CERK: variants seen among roughly 807,000 people sequenced by gnomAD.
CERK encodes acylsphingosine kinase.
A neutral mutation model predicts 63.4 loss-of-function variants in CERK; 39 were observed. That is an observed-to-expected ratio of 0.61 (90% CI 0.48 to 0.80). CERK has a LOEUF of 0.80. Ranked by LOEUF, CERK falls within the 30% of genes least tolerant of loss-of-function variation. CERK has a pLI of 0.00. For missense variants in CERK, 670 were observed against 714.1 expected (o/e 0.94, Z 0.70); for synonymous variants, 302 against 280.0 (o/e 1.08, Z -0.78).
chr22:46,727,143 G>A (rs1002596270), intron 1 of CERK, among the ~76,000 whole-genome samples: 4 of 152,186 alleles, frequency 2.6e-5, no homozygotes, highest in Non-Finnish European at 5.9e-5. Context: ...CACGGATGAT[G>A]AAGAAAATCT....
At chr22:46,713,109 A>G (rs2082849785) in intron 3 of CERK, among the ~76,000 whole-genome samples, 1 of 152,108 alleles carries the variant, frequency 6.6e-6, no homozygotes, top group African/African-American at 2.4e-5. Context: ...TGGTGGGTTC[A>G]TGTGACTCTG....
At position 46,685,547 on chromosome 22, in the gene CERK, C is replaced by T. The variant is rs974183058; in HGVS notation, c.*1587G>A. 3 of 152,208 alleles carry T rather than the reference C, an allele frequency of 2.0e-5. No individual in the cohort carries two copies. The highest frequency in any genetic ancestry group is 2.9e-5 in the Non-Finnish European group (2 of 68,040). 9.4% of individuals were successfully genotyped at this position (152,208 alleles called of 1,614,324 possible). A position where few individuals can be genotyped will look rare whatever the true frequency, so the allele number is the denominator to read the frequency against. ...GCACAGCCAGTCTGGAAGAGCAGCC[C>T]GTCTTAAATCTTTGGTTTCTTTCCA... On this transcript the variant is annotated 3_prime_UTR_variant, in exon 13 of 13. Coordinates refer to ENST00000216264, the MANE Select transcript of CERK (RefSeq NM_022766.6).
chr22:46,716,191 CTT>C lies in CERK; in HGVS notation c.379+3893_379+3894del, dbSNP rs79638073. On this transcript the variant is annotated intron_variant, in intron 3 of 12. Coordinates refer to ENST00000216264, the MANE Select transcript of CERK (RefSeq NM_022766.6). ...GGTGGCAGAACAAGACCTCATCTCC[CTT>C]TTTTTTTTTTTTTTAAAGATGGAGT... Among the ~76,000 whole-genome samples the C allele has an allele frequency of 4.5e-3, 632 of 141,184 alleles. 2 individuals are homozygous for C. Among genetic ancestry groups the C allele is most frequent in the African/African-American group, 0.015 (558 of 38,064 alleles). 92.6% of individuals were successfully genotyped at this position (141,184 alleles called of 152,430 possible). A position where few individuals can be genotyped will look rare whatever the true frequency, so the allele number is the denominator to read the frequency against.
rs201852137 is a variant in CERK at position 46,691,692 on chromosome 22, G to T, written c.1212C>A (p.Pro404=). 6.2e-7 allele frequency: 1 copy of T among 1,613,986 alleles called. No homozygotes were observed. Among genetic ancestry groups the T allele is most frequent in the Admixed American group, 1.7e-5 (1 of 60,028 alleles). The part of the protein sequence containing the change: ...TNMSCACRRS[P]RGLSPAAHLG... ...AGTGGGCAGCCGGGGAGAGGCCCCT[G>T]GGGCTCCGGCGACAAGCACAGGACA... is the stretch of plus-strand genomic sequence containing the variant. The change falls in exon 11 of 13, where the codon CCC becomes CCA. Residue 404 remains proline (P), a synonymous_variant. Transcript: ENST00000216264.
chr22:46,733,978 G>C (rs548542362), intron 1 of CERK, among the ~76,000 whole-genome samples: 1 of 152,142 alleles, frequency 6.6e-6, no homozygotes, highest in African/African-American at 2.4e-5. Flanking sequence ...GGAGGTTGCA[G>C]TGAGCCGAGA....
Position 46,699,443 on chromosome 22 carries a change from C to T in CERK, c.813G>A (p.Val271=), listed in dbSNP as rs773475938. The T allele has an allele frequency of 1.7e-5, 27 of 1,614,040 alleles. No homozygotes were observed. The Admixed American group carries it at 4.5e-4, about 27-fold the overall frequency. ...IVVGDSLAMD[V]SSVHHNSTLL... ...GTGTGCTGTTGTGGTGGACTGAGGA[C>T]ACATCCATGGCCAGCGAGTCCCCTG... Residue 271 remains valine, a synonymous_variant, in exon 8 of 13, where the codon GTG becomes GTA. Transcript: ENST00000216264.
At chr22:46,723,210 G>A (rs971013615) in intron 1 of CERK, among the ~76,000 whole-genome samples, 9 of 152,210 alleles carry the variant, frequency 5.9e-5, no homozygotes, top group African/African-American at 1.2e-4. Flanking sequence ...GTTTACACAC[G>A]TTCCTTTTAC....
intron 8 of CERK, among the ~76,000 whole-genome samples, chr22:46,698,657 G>C (rs1464607728): frequency 6.6e-6 from 1 of 152,068 alleles, no homozygotes; most frequent in Admixed American, 6.6e-5. Flanking sequence ...TTGGGAGGCC[G>C]AGGTGGGCAG....
rs117539188 is a variant in CERK, at chr22:46,723,349, T to G, written c.143-2334A>C. Among the ~76,000 whole-genome samples, 88 of 152,320 alleles carry G rather than the reference T, an allele frequency of 5.8e-4. 4 individuals are homozygous for G. The East Asian group carries it at 0.017, about 29-fold the overall frequency. The stretch of plus-strand genomic sequence containing the variant: ...GAATAAGAACACAGGGCGGACACAG[T>G]GGCTCACGCCTGTAATCCCAGCACT... On this transcript the variant is annotated intron_variant, in intron 1 of 12. Coordinates refer to ENST00000216264, the MANE Select transcript of CERK (RefSeq NM_022766.6).
chr22:46,693,312 A>G, intron 10 of CERK, 115 bp downstream of exon 10: 1 of 818,956 alleles, frequency 1.2e-6, no homozygotes, highest in Admixed American at 2.0e-5. Context: ...GGTGCCAGAC[A>G]GGAAAAAGGA....
At chr22:46,697,710 G>T (rs2082763175) in intron 8 of CERK, among the ~76,000 whole-genome samples, 1 of 152,190 alleles carries the variant, frequency 6.6e-6, no homozygotes, top group Non-Finnish European at 1.5e-5. Context: ...TCACCATGTT[G>T]GCGAGGCTGG....
Position 46,711,086 on chromosome 22 carries a change from C to T in CERK, c.569G>A (p.Gly190Asp), listed in dbSNP as rs779951438. ...TGGCGATGAAAGACGGCTTACTCAC[C>T]CGTCGTATTTGTCTATGTTAATCTC... ...LYEINIDKYDGIVCVGGDGMF... is the reference protein window; with the variant it reads ...LYEINIDKYDDIVCVGGDGMF... The change falls in exon 5 of 13, where the codon GGC becomes GAC. Residue 190 changes from glycine (G) to aspartate (D), a missense_variant and splice_region_variant. Gly to Asp is a moderately conservative substitution (Grantham distance 94, BLOSUM62 -1). Coordinates refer to ENST00000216264, the MANE Select transcript of CERK (RefSeq NM_022766.6). 3 of 1,611,754 alleles carry T rather than the reference C, an allele frequency of 1.9e-6. No individual in the cohort carries two copies. The highest frequency in any genetic ancestry group is 2.5e-6 in the Non-Finnish European group (3 of 1,178,332).
chr22:46,726,106 G>C (rs1047862004), intron 1 of CERK, among the ~76,000 whole-genome samples: 1 of 152,268 alleles, frequency 6.6e-6, no homozygotes, highest in Non-Finnish European at 1.5e-5. Context: ...GTGTCTGCCA[G>C]TGACATGGGT....
chr22:46,717,144 G>T (rs1222522633), intron 3 of CERK, among the ~76,000 whole-genome samples: 4 of 152,154 alleles, frequency 2.6e-5, no homozygotes, highest in African/African-American at 9.7e-5. Context: ...CACCACCATG[G>T]CTAAGACGTA....
intron 3 of CERK, among the ~76,000 whole-genome samples, chr22:46,717,109 T>TACAACC (rs1255151247): frequency 1.3e-5 from 2 of 152,162 alleles, no homozygotes; most frequent in African/African-American, 4.8e-5. Context: ...GAGTGCAAAC[T>TACAACC]ACAACCACAG....
intron 6 of CERK, among the ~76,000 whole-genome samples, chr22:46,702,761 C>G (rs982489845): frequency 6.6e-6 from 1 of 152,258 alleles, no homozygotes; most frequent in African/African-American, 2.4e-5. Context: ...GCTTCACTGG[C>G]TCAGATGAAA....
intron 12 of CERK, among the ~76,000 whole-genome samples, chr22:46,688,061 G>C (rs2082712230): frequency 6.6e-6 from 1 of 152,132 alleles, no homozygotes; most frequent in African/African-American, 2.4e-5. Context: ...GCCAGGTGTG[G>C]TGGCGGGCGC....
intron 1 of CERK, among the ~76,000 whole-genome samples, chr22:46,729,565 C>G (rs2082935568): frequency 6.6e-6 from 1 of 151,906 alleles, no homozygotes; most frequent in Non-Finnish European, 1.5e-5. Context: ...TGCACAACAC[C>G]CAGCCTCCAA....
In CERK at chr22:46,720,967, T is replaced by C. The variant is rs2082889335; in HGVS notation, c.191A>G (p.Asp64Gly). The C allele has an allele frequency of 1.2e-6, 2 of 1,613,690 alleles. No homozygotes were observed. Among genetic ancestry groups the C allele is most frequent in the South Asian group, 1.1e-5 (1 of 91,094 alleles). The part of the protein sequence containing the change: ...VSEIIAVEET[D>G]VHGKHQGSGK... The stretch of plus-strand genomic sequence containing the variant: ...ACTGCCTTGATGTTTCCCGTGAACG[T>C]CTGTTTCCTCAACGGCGATGATCTC... The change falls in exon 2 of 13, where the codon GAC (aspartate) becomes GGC (glycine). Residue 64 changes from aspartate to glycine, a missense_variant. Coordinates refer to ENST00000216264, the MANE Select transcript of CERK (RefSeq NM_022766.6).
Sources: gnomAD v4.1 joint callset for allele counts (sites outside exome capture counted in the v4.1 genomes callset) on GRCh38, gnomAD v4.1.1 for gene constraint, MANE v1.5 for transcripts, NCBI Gene and HGNC (gene_info 2026-07-23, HGNC 2026-07-21) for gene names.